The following SLC38A9 variants were observed in gnomAD, a reference collection of about 807,000 sequenced individuals.
The protein encoded by SLC38A9 is neutral amino acid transporter 9.
In SLC38A9, 48 loss-of-function variants were observed where a neutral mutation model predicts 62.3. The observed-to-expected ratio is 0.77, with a 90% CI of 0.61 to 0.98. SLC38A9 has a LOEUF of 0.98. SLC38A9 is among the 50% of genes least tolerant of loss of function. The pLI is 0.00. For synonymous variants in SLC38A9, 204 were observed against 227.7 expected, an observed-to-expected ratio of 0.90 and a Z score of 0.94; for missense variants, 541 against 679.8, an observed-to-expected ratio of 0.80 and a Z score of 2.27.
At position 55,664,524 on chromosome 5, in the gene SLC38A9, G is replaced by A. The variant is rs76197108; in HGVS notation, c.697+169C>T. ...TTGGAAATAAGCATACACTATATTT[G>A]AGAGCACAACCACAGAAAGCCAACT... On this transcript the variant is annotated intron_variant, in intron 8 of 15. Coordinates refer to ENST00000396865, the MANE Select transcript of SLC38A9 (RefSeq NM_173514.4). 1.6e-5 allele frequency: 6 copies of A among 373,686 alleles called. No homozygotes were observed. In the East Asian group the frequency reaches 2.1e-4, roughly 13 times the overall value. 23.1% of individuals were successfully genotyped at this position (373,686 alleles called of 1,614,324 possible).
intron 10 of SLC38A9, among the ~76,000 whole-genome samples, chr5:55,650,076 A>G (rs1366713192): frequency 1.3e-5 from 2 of 152,144 alleles, no homozygotes; most frequent in East Asian, 1.9e-4. Context: ...AAAGAAAGAA[A>G]AGCAGTGAAT....
intron 3 of SLC38A9, among the ~76,000 whole-genome samples, chr5:55,682,123 G>C (rs1753112242): frequency 6.6e-6 from 1 of 151,688 alleles, no homozygotes; most frequent in African/African-American, 2.4e-5. Context: ...GCCCTTAACA[G>C]ATCCATGCCA....
At chr5:55,669,693 T>G in intron 5 of SLC38A9, 65 bp downstream of exon 5, 2 of 1,584,526 alleles carry the variant, frequency 1.3e-6, no homozygotes, top group Non-Finnish European at 1.7e-6. Flanking sequence ...GACAAAAATT[T>G]AAAAAACCAG....
At chr5:55,672,449 T>C in intron 4 of SLC38A9, 114 bp downstream of exon 4, 2 of 1,191,084 alleles carry the variant, frequency 1.7e-6, no homozygotes, top group Non-Finnish European at 2.4e-6. Flanking sequence ...TGCATGATGC[T>C]GTCCTTGAAA....
chr5:55,630,628 T>G (rs1282104289), intron 14 of SLC38A9, among the ~76,000 whole-genome samples: 4 of 152,172 alleles, frequency 2.6e-5, no homozygotes, highest in African/African-American at 4.8e-5. Context: ...ATTAAAAATT[T>G]TTTGAAAGCA....
chr5:55,645,795 T>G lies in SLC38A9; in HGVS notation c.1161A>C (p.Glu387Asp). Residue 387 changes from glutamate to aspartate, a missense_variant, in exon 12 of 16, where the codon GAA becomes GAC. By Grantham distance (45) the Glu-to-Asp change is conservative (BLOSUM62 2). Transcript: ENST00000396865. ...ITLLKNNKKQENNVRDLCIAY... is the reference protein window; with the variant it reads ...ITLLKNNKKQDNNVRDLCIAY... ...TCCAAAGATAATTACTCACATTGTT[T>G]TCTTGTTTCTTGTTGTTCTTCAAGA... 1 of 1,597,724 alleles carries G rather than the reference T, an allele frequency of 6.3e-7. No individual in the cohort carries two copies. Among genetic ancestry groups the G allele is most frequent in the Non-Finnish European group, 8.6e-7 (1 of 1,169,232 alleles).
chr5:55,711,298 A>AAAAAAAGAAAGAAAAGAAAAG (rs1758011067), intron 2 of SLC38A9, 154 bp downstream of exon 2: 1 of 152,862 alleles, frequency 6.5e-6, no homozygotes, highest in East Asian at 1.9e-4. Flanking sequence ...TGTCTGAAAA[A>AAAAAAAGAAAGAAAAGAAAAG]AAAAAAGAAA....
At chr5:55,664,162 A>C (rs1048244892) in intron 8 of SLC38A9, among the ~76,000 whole-genome samples, 8 of 152,106 alleles carry the variant, frequency 5.3e-5, no homozygotes, top group Non-Finnish European at 1.2e-4. Context: ...CATTAATTAA[A>C]AAAATGAACT....
At chr5:55,643,043 T>G (rs1227622591) in intron 12 of SLC38A9, among the ~76,000 whole-genome samples, 1 of 152,236 alleles carries the variant, frequency 6.6e-6, no homozygotes, top group Non-Finnish European at 1.5e-5. Flanking sequence ...CATTATGACT[T>G]TTGTTTACAA....
chr5:55,660,012 C>T (rs545767259), intron 8 of SLC38A9, among the ~76,000 whole-genome samples: 76 of 148,864 alleles, frequency 5.1e-4, no homozygotes, highest in Middle Eastern at 7.5e-3. Context: ...GTGATCTGCC[C>T]GCCTTGGCCT....
At chr5:55,636,090 C>G (rs184214683) in intron 12 of SLC38A9, among the ~76,000 whole-genome samples, 2 of 152,212 alleles carry the variant, frequency 1.3e-5, no homozygotes, top group African/African-American at 4.8e-5. Context: ...GGTAAATTAA[C>G]TTATATTATT....
intron 3 of SLC38A9, among the ~76,000 whole-genome samples, chr5:55,688,757 C>T (rs72760037): frequency 0.56 from 84,558 of 151,836 alleles, 24,576 homozygotes; most frequent in South Asian, 0.65. Flanking sequence ...TATATAACTA[C>T]CTAGAGACAT....
intron 11 of SLC38A9, among the ~76,000 whole-genome samples, chr5:55,648,889 T>C (rs986848119): frequency 6.6e-6 from 1 of 152,170 alleles, no homozygotes; most frequent in Non-Finnish European, 1.5e-5. Context: ...TAAAAATGTT[T>C]AATTAAAAAC....
intron 12 of SLC38A9, among the ~76,000 whole-genome samples, chr5:55,636,186 C>T (rs943276390): frequency 3.3e-5 from 5 of 152,006 alleles, no homozygotes; most frequent in Non-Finnish European, 5.9e-5. Context: ...AGACAACAAG[C>T]AGTATTAAAG....
At chr5:55,655,041 T>C (rs919310092) in intron 9 of SLC38A9, among the ~76,000 whole-genome samples, 1 of 152,114 alleles carries the variant, frequency 6.6e-6, no homozygotes, top group African/African-American at 2.4e-5. Context: ...GGTCTTGCTA[T>C]GTTGCCCAGG....
intron 11 of SLC38A9, among the ~76,000 whole-genome samples, chr5:55,647,037 A>T (rs551030816): frequency 1.3e-5 from 2 of 152,314 alleles, no homozygotes; most frequent in Admixed American, 1.3e-4. Flanking sequence ...GACATGAGCC[A>T]TTGTGCCTGG....
intron 4 of SLC38A9, among the ~76,000 whole-genome samples, chr5:55,671,788 T>C (rs1231269062): frequency 2.0e-5 from 3 of 151,864 alleles, no homozygotes; most frequent in African/African-American, 7.3e-5. Flanking sequence ...GCAGAGGTTG[T>C]GGTGAGCCGA....
At chr5:55,643,927 CT>C (rs1225930447) in intron 12 of SLC38A9, among the ~76,000 whole-genome samples, 1 of 152,072 alleles carries the variant, frequency 6.6e-6, no homozygotes, top group East Asian at 1.9e-4. Context: ...TATAGTTAGG[CT>C]TTGTTTTTTA....
chr5:55,690,409 G>A (rs1291825744), intron 3 of SLC38A9, among the ~76,000 whole-genome samples: 2 of 152,186 alleles, frequency 1.3e-5, no homozygotes, highest in Non-Finnish European at 2.9e-5. Flanking sequence ...TTGGAGAGAA[G>A]AGAGGGAGGC....
Sources: gnomAD v4.1 joint callset for allele counts (sites outside exome capture counted in the v4.1 genomes callset) on GRCh38, gnomAD v4.1.1 for gene constraint, MANE v1.5 for transcripts, NCBI Gene and HGNC (gene_info 2026-07-23, HGNC 2026-07-21) for gene names.